BTG4: variants seen among roughly 807,000 people sequenced by gnomAD.
BTG4 encodes the protein protein BTG4.
Under a neutral mutation model 19.3 loss-of-function variants are expected in BTG4, and 10 were observed. The observed-to-expected ratio is 0.52, with a 90% confidence interval of 0.32 to 0.88. The LOEUF is 0.88. BTG4 is among the 40% of genes least tolerant of loss of function. The probability of loss-of-function intolerance (pLI) is 0.04; values close to 1 mark genes in which losing one functional copy is unlikely to be tolerated. For synonymous variants in BTG4, 91 were observed against 95.7 expected, an observed-to-expected ratio of 0.95 and a Z score of 0.29; for missense variants, 238 against 281.9, an observed-to-expected ratio of 0.84 and a Z score of 1.11.
intron 5 of BTG4, among the ~76,000 whole-genome samples, chr11:111,476,451 AAAG>A (rs1202823583): frequency 6.6e-6 from 1 of 152,134 alleles, no homozygotes; most frequent in Non-Finnish European, 1.5e-5. Context: ...AATAACATGA[AAAG>A]AAGATTTACA....
At chr11:111,423,372 C>T in the BTG4 span, among the ~76,000 whole-genome samples, 1 of 152,258 alleles carries the variant, frequency 6.6e-6, no homozygotes, top group East Asian at 1.9e-4. Context: ...ACATCAGTGC[C>T]ATATCTCCAT....
At position 111,475,192 on chromosome 11, in the gene BTG4, T is replaced by C. The variant is rs536854620; in HGVS notation, c.663-7511A>G. Reference sequence around the variant, plus strand: ...CATCTGATGAAGCTGATAAGAATTATTGGAAAATCTATAATATTCATGGTA... The same window carrying C: ...CATCTGATGAAGCTGATAAGAATTACTGGAAAATCTATAATATTCATGGTA... On this transcript the variant is annotated intron_variant, in intron 5 of 5. Coordinates refer to the BTG4 transcript ENST00000356018. The C allele has an allele frequency of 5.9e-5, 9 of 152,730 alleles. No individual in the cohort carries two copies. The East Asian group carries it at 1.5e-3, about 26-fold the overall frequency. 9.5% of individuals were successfully genotyped at this position (152,730 alleles called of 1,614,324 possible). A position where few individuals can be genotyped will look rare whatever the true frequency, so the allele number is the denominator to read the frequency against.
chr11:111,453,069 G>A, the BTG4 span, among the ~76,000 whole-genome samples: 17 of 152,154 alleles, frequency 1.1e-4, no homozygotes, highest in Non-Finnish European at 2.5e-4. Flanking sequence ...TGAGGTGTGA[G>A]GACAAGGATA....
chr11:111,483,977 G>T (rs73553289), intron 5 of BTG4, among the ~76,000 whole-genome samples: 2 of 152,104 alleles, frequency 1.3e-5, no homozygotes, highest in Non-Finnish European at 2.9e-5. Context: ...AAAGTAGTAA[G>T]AGAAAATAAG....
At chr11:111,443,517 GTTCTTAAAAAATAAAGTTT>G in the BTG4 span, among the ~76,000 whole-genome samples, 3 of 151,978 alleles carry the variant, frequency 2.0e-5, no homozygotes, top group Non-Finnish European at 4.4e-5. Flanking sequence ...ATCTAAAACT[GTTCTTAAAAAATAAAGTTT>G]TTCAAAAAAA....
intron 4 of BTG4, chr11:111,496,854 C>G (rs930946288): frequency 7.3e-6 from 2 of 274,842 alleles, no homozygotes; most frequent in Non-Finnish European, 6.7e-6. Context: ...TTCCTATATC[C>G]AAATTTTCTA....
chr11:111,441,666 G>A, the BTG4 span, among the ~76,000 whole-genome samples: 2 of 152,206 alleles, frequency 1.3e-5, no homozygotes, highest in African/African-American at 4.8e-5. Context: ...TCTTGTACAG[G>A]GTAAGAACTC....
chr11:111,486,273 C>T (rs1384573374), intron 5 of BTG4, among the ~76,000 whole-genome samples: 2 of 152,066 alleles, frequency 1.3e-5, no homozygotes, highest in African/African-American at 4.8e-5. Context: ...CCCATCTCTA[C>T]AAAAACTCAA....
downstream of BTG4, among the ~76,000 whole-genome samples, chr11:111,494,354 G>A (rs1865592882): frequency 6.6e-6 from 1 of 152,102 alleles, no homozygotes. Context: ...CAAGGTTGTG[G>A]GAATTTTCTA....
the BTG4 span, among the ~76,000 whole-genome samples, chr11:111,405,928 T>C: frequency 3.3e-5 from 5 of 152,248 alleles, no homozygotes; most frequent in East Asian, 1.9e-4. Context: ...AAGTGCTGTA[T>C]AGAGATTAGA....
chr11:111,511,980 T>C (rs1866967241), intron 1 of BTG4, among the ~76,000 whole-genome samples: 1 of 152,188 alleles, frequency 6.6e-6, no homozygotes, highest in South Asian at 2.1e-4. Flanking sequence ...CACGATTTGA[T>C]GTAACTAACA....
At chr11:111,408,212 G>A in the BTG4 span, among the ~76,000 whole-genome samples, 1 of 152,238 alleles carries the variant, frequency 6.6e-6, no homozygotes, top group African/African-American at 2.4e-5. Context: ...GATGGGGCAG[G>A]AGAAGCAGGA....
intron 1 of BTG4, among the ~76,000 whole-genome samples, chr11:111,499,411 T>G (rs1264062605): frequency 6.6e-6 from 1 of 152,216 alleles, no homozygotes; most frequent in African/African-American, 2.4e-5. Flanking sequence ...AGGTGCTGCC[T>G]ATTGAAATGA....
At chr11:111,384,120 TG>T in the BTG4 span, among the ~76,000 whole-genome samples, 2 of 152,256 alleles carry the variant, frequency 1.3e-5, no homozygotes, top group Admixed American at 1.3e-4. Flanking sequence ...AATAGTTTGT[TG>T]GTTATCATAG....
At chr11:111,463,445 C>G (rs1220153609), downstream of BTG4, 5 of 152,680 alleles carry the variant, frequency 3.3e-5, no homozygotes, top group African/African-American at 1.2e-4. Context: ...CTCACTGCAG[C>G]GCTAGTAGGA....
chr11:111,386,794 C>T, the BTG4 span, among the ~76,000 whole-genome samples: 3 of 152,208 alleles, frequency 2.0e-5, no homozygotes, highest in African/African-American at 7.2e-5. Context: ...CCCATTGTTG[C>T]CTTCAGGCAA....
the BTG4 span, among the ~76,000 whole-genome samples, chr11:111,388,387 A>G: frequency 6.7e-6 from 1 of 149,626 alleles, no homozygotes; most frequent in African/African-American, 2.5e-5. Flanking sequence ...TGGAAGCACA[A>G]CCCTAGACAA....
chr11:111,400,063 G>C, the BTG4 span, among the ~76,000 whole-genome samples: 1 of 152,110 alleles, frequency 6.6e-6, no homozygotes, highest in East Asian at 1.9e-4. Context: ...AATCCCCTCT[G>C]TTACTGGGGA....
At chr11:111,434,931 A>T in the BTG4 span, 1 of 152,148 alleles carries the variant, frequency 6.6e-6, no homozygotes, top group Non-Finnish European at 1.5e-5. Context: ...TCCATCAGCC[A>T]TCCCAGCGCT....
Sources: allele counts gnomAD v4.1 joint callset (sites outside exome capture counted in the v4.1 genomes callset), GRCh38; gene constraint gnomAD v4.1.1; transcripts MANE v1.5; gene names NCBI Gene and HGNC (gene_info 2026-07-23, HGNC 2026-07-21).